PLCG2: variants seen among roughly 807,000 people sequenced by gnomAD.
The protein encoded by PLCG2 is 1-phosphatidylinositol 4,5-bisphosphate phosphodiesterase gamma-2.
In PLCG2, 69 loss-of-function variants were observed where a neutral mutation model predicts 175.6. The ratio of observed to expected loss-of-function variants is 0.39; its 90% confidence interval spans 0.32 to 0.48. The LOEUF is 0.48. PLCG2 is among the 20% of genes least tolerant of loss of function. The pLI, the probability that PLCG2 is intolerant of heterozygous loss-of-function variation, is 0.91. For missense variants in PLCG2, 1,798 were observed against 1,650.9 expected, an observed-to-expected ratio of 1.09 and a Z score of -1.54; for synonymous variants, 827 against 624.0, an observed-to-expected ratio of 1.33 and a Z score of -4.85.
intron 2 of PLCG2, among the ~76,000 whole-genome samples, chr16:81,813,473 G>T (rs1904406924): frequency 6.6e-6 from 1 of 152,144 alleles, no homozygotes. Flanking sequence ...CTCTGTGTTT[G>T]TCTGTCATGG....
In PLCG2 at chr16:81,816,506, C is replaced by T. The variant is rs568127939; in HGVS notation, c.193+30324C>T. Among the ~76,000 whole-genome samples the T allele has an allele frequency of 5.4e-4, 82 of 150,640 alleles. No homozygotes were observed. In the East Asian group the frequency reaches 0.014, roughly 26 times the overall value. ...TAATTTTTTTTTTTTGAGACACGGT[C>T]TCATTCTGTTGCCCAGGTTGGAGTG... On this transcript the variant is annotated intron_variant, in intron 2 of 32. Coordinates refer to ENST00000564138, the MANE Select transcript of PLCG2 (RefSeq NM_002661.5).
chr16:81,859,276 T>C (rs1179073066), intron 5 of PLCG2, 113 bp downstream of exon 5: 10 of 699,078 alleles, frequency 1.4e-5, no homozygotes, highest in Non-Finnish European at 2.6e-5. Context: ...CCTCACTGCG[T>C]CCATTGTGAT....
intron 23 of PLCG2, among the ~76,000 whole-genome samples, 199 bp from the exon 24 acceptor site, chr16:81,928,359 G>A (rs1192260585): frequency 6.6e-6 from 1 of 152,108 alleles, no homozygotes. Flanking sequence ...CGAACCTCCT[G>A]GCACCCTCTC....
At chr16:81,914,846 C>A (rs1455000551) in intron 19 of PLCG2, among the ~76,000 whole-genome samples, 1 of 152,188 alleles carries the variant, frequency 6.6e-6, no homozygotes, top group African/African-American at 2.4e-5. Context: ...CCACCTCACC[C>A]CATGGCCCAC....
At chr16:81,928,891 A>T in intron 24 of PLCG2, 1 of 408,986 alleles carries the variant, frequency 2.4e-6, no homozygotes. Flanking sequence ...TACCAGCGTC[A>T]CTCTTATTAT....
chr16:81,847,615 C>T (rs999960203), intron 2 of PLCG2, among the ~76,000 whole-genome samples: 1 of 152,062 alleles, frequency 6.6e-6, no homozygotes, highest in African/African-American at 2.4e-5. Context: ...TGCAGTCAGT[C>T]CTCTGTATTT....
At chr16:81,780,995 C>G (rs1910703191) in intron 1 of PLCG2, among the ~76,000 whole-genome samples, 1 of 152,046 alleles carries the variant, frequency 6.6e-6, no homozygotes, top group Admixed American at 6.6e-5. Flanking sequence ...CCACTGCACT[C>G]CAGCCTGGGT....
chr16:81,939,929 G>C lies in PLCG2; in HGVS notation c.3351G>C (p.Gln1117His), dbSNP rs957511194. 9 of 1,613,862 alleles carry C rather than the reference G, an allele frequency of 5.6e-6. No homozygotes were observed. Among genetic ancestry groups the C allele is most frequent in the Admixed American group, 1.7e-5 (1 of 59,998 alleles). Reference sequence around the variant, plus strand: ...TCAGCCCTATCTGGGCTCCAACACAGGAGAAGGTGACATTTGAAATTTATG... The same window carrying C: ...TCAGCCCTATCTGGGCTCCAACACACGAGAAGGTGACATTTGAAATTTATG... ...NGLSPIWAPT[Q>H]EKVTFEIYDP... Residue 1117 changes from glutamine to histidine, a missense_variant, in exon 30 of 33, where the codon CAG becomes CAC. Physicochemically the swap from Gln to His is conservative, Grantham distance 24 (BLOSUM62 0). Transcript: ENST00000564138.
chr16:81,958,198 A>T lies in PLCG2; in HGVS notation c.*200A>T, dbSNP rs943073208. 5 of 594,866 alleles carry T rather than the reference A, an allele frequency of 8.4e-6. No individual in the cohort carries two copies. The African/African-American group carries it at 9.3e-5, about 11-fold the overall frequency. 36.8% of individuals were successfully genotyped at this position (594,866 alleles called of 1,614,324 possible). ...TATTTTCATCTTGGACAACTTTCTT[A>T]ACTTATATTCTTTATAGAGGATTCC... On this transcript the variant is annotated 3_prime_UTR_variant, in exon 33 of 33. Coordinates refer to ENST00000564138, the MANE Select transcript of PLCG2 (RefSeq NM_002661.5).
chr16:81,778,949 G>T (rs1049247779), upstream of PLCG2, among the ~76,000 whole-genome samples: 1 of 152,190 alleles, frequency 6.6e-6, no homozygotes, highest in African/African-American at 2.4e-5. Context: ...GCGTGAGCCC[G>T]GGCGCCCGGC....
chr16:81,821,596 G>T (rs77719976), intron 2 of PLCG2, among the ~76,000 whole-genome samples: 1,895 of 152,168 alleles, frequency 0.012, 16 homozygotes, highest in South Asian at 0.045. Context: ...TTGTTGCCTT[G>T]TGTGCTGCTC....
chr16:81,896,759 G>A (rs1378703787), intron 13 of PLCG2, among the ~76,000 whole-genome samples: 1 of 152,160 alleles, frequency 6.6e-6, no homozygotes. Context: ...CCCACCTGGG[G>A]CCAGGCTCTG....
chr16:81,760,152 T>A (rs918584484), intron 2 of PLCG2, among the ~76,000 whole-genome samples: 1 of 152,138 alleles, frequency 6.6e-6, no homozygotes, highest in African/African-American at 2.4e-5. Context: ...GAATGAGGAA[T>A]TTATTAAAGG....
intron 1 of PLCG2, among the ~76,000 whole-genome samples, chr16:81,742,641 C>T (rs1909620071): frequency 6.6e-6 from 1 of 152,162 alleles, no homozygotes. Flanking sequence ...CCACAGGCAT[C>T]CCACTGCTTT....
chr16:81,849,196 G>T (rs1906272577), intron 2 of PLCG2, among the ~76,000 whole-genome samples: 1 of 152,116 alleles, frequency 6.6e-6, no homozygotes, highest in Non-Finnish European at 1.5e-5. Flanking sequence ...GAGCCTGTTT[G>T]TATTTCGTAA....
chr16:81,789,831 C>T (rs1911147951), intron 2 of PLCG2, among the ~76,000 whole-genome samples: 1 of 150,252 alleles, frequency 6.7e-6, no homozygotes, highest in Admixed American at 6.7e-5. Flanking sequence ...TTTCTCCTTC[C>T]CTTCCCACCT....
At chr16:81,914,648 G>T (rs1005779604) in intron 19 of PLCG2, among the ~76,000 whole-genome samples, 4 of 152,196 alleles carry the variant, frequency 2.6e-5, no homozygotes, top group African/African-American at 4.8e-5. Context: ...CTCCAGAGAT[G>T]CAGGAGTGAT....
chr16:81,763,688 C>T (rs746253808), intron 2 of PLCG2, among the ~76,000 whole-genome samples: 1 of 152,138 alleles, frequency 6.6e-6, no homozygotes, highest in African/African-American at 2.4e-5. Flanking sequence ...CAAAGGGGGC[C>T]GGGTGTGGTG....
At chr16:81,745,676 A>G (rs1427358029) in intron 1 of PLCG2, among the ~76,000 whole-genome samples, 2 of 152,200 alleles carry the variant, frequency 1.3e-5, no homozygotes, top group African/African-American at 4.8e-5. Context: ...TGTAAGAAAA[A>G]GTAGGTTAGG....
Sources: gnomAD v4.1 joint callset for allele counts (sites outside exome capture counted in the v4.1 genomes callset) on GRCh38, gnomAD v4.1.1 for gene constraint, MANE v1.5 for transcripts, NCBI Gene and HGNC (gene_info 2026-07-23, HGNC 2026-07-21) for gene names.